KCNMB2: variants seen among roughly 807,000 people sequenced by gnomAD.
KCNMB2 encodes the protein calcium-activated potassium channel subunit beta-2.
Under a neutral mutation model 24.5 loss-of-function variants are expected in KCNMB2, and 9 were observed. The ratio of observed to expected loss-of-function variants is 0.37; its 90% CI spans 0.22 to 0.64. The LOEUF is 0.64. Ranked by LOEUF, KCNMB2 falls within the 30% of genes least tolerant of loss-of-function variation. The probability of loss-of-function intolerance (pLI) is 0.63; values close to 1 mark genes in which losing one functional copy is unlikely to be tolerated. For synonymous variants in KCNMB2, 109 were observed against 104.4 expected, an observed-to-expected ratio of 1.04 and a Z score of -0.27; for missense variants, 226 against 284.3, an observed-to-expected ratio of 0.79 and a Z score of 1.47.
At chr3:178,750,481 A>C (rs7374783) in intron 1 of KCNMB2, among the ~76,000 whole-genome samples, 108,904 of 152,120 alleles carry the variant, frequency 0.72, 40,184 homozygotes, top group African/African-American at 0.92. Flanking sequence ...GGCCAGTCAG[A>C]CATTCTACTC....
At chr3:178,676,889 G>A (rs992467599) in intron 1 of KCNMB2, among the ~76,000 whole-genome samples, 1 of 152,060 alleles carries the variant, frequency 6.6e-6, no homozygotes, top group African/African-American at 2.4e-5. Context: ...ACCTCACTGA[G>A]CCCTCACTAG....
intron 1 of KCNMB2, among the ~76,000 whole-genome samples, chr3:178,804,810 G>C (rs1713901953): frequency 6.6e-6 from 1 of 152,212 alleles, no homozygotes; most frequent in African/African-American, 2.4e-5. Flanking sequence ...CCCTGTGAAG[G>C]AATGACTAAA....
At chr3:178,615,281 C>T (rs1326296525) in intron 1 of KCNMB2, among the ~76,000 whole-genome samples, 2 of 152,140 alleles carry the variant, frequency 1.3e-5, no homozygotes, top group African/African-American at 4.8e-5. Context: ...CTGGCTACTG[C>T]CTATGTTCAC....
At chr3:178,581,065 C>T (rs904096409) in intron 1 of KCNMB2, among the ~76,000 whole-genome samples, 5 of 151,992 alleles carry the variant, frequency 3.3e-5, no homozygotes, top group Non-Finnish European at 7.4e-5. Flanking sequence ...GCCAAGACAA[C>T]CCTTAGCAAA....
intron 1 of KCNMB2, among the ~76,000 whole-genome samples, chr3:178,679,693 C>T (rs1432244733): frequency 1.3e-5 from 2 of 152,082 alleles, no homozygotes; most frequent in Non-Finnish European, 2.9e-5. Context: ...AAGTTACACC[C>T]AAGTTCATGT....
intron 1 of KCNMB2, among the ~76,000 whole-genome samples, chr3:178,691,255 T>G (rs962356572): frequency 1.3e-5 from 2 of 150,890 alleles, no homozygotes; most frequent in African/African-American, 4.9e-5. Context: ...TTTTAATTTT[T>G]TTTAACTTTT....
chr3:178,596,071 C>G (rs769345916), intron 1 of KCNMB2, among the ~76,000 whole-genome samples: 2 of 151,990 alleles, frequency 1.3e-5, no homozygotes, highest in Non-Finnish European at 2.9e-5. Flanking sequence ...ACCCCATCAC[C>G]CACTTAGCTC....
At chr3:178,821,722 C>T (rs1714632093) in intron 2 of KCNMB2, among the ~76,000 whole-genome samples, 1 of 152,210 alleles carries the variant, frequency 6.6e-6, no homozygotes, top group Non-Finnish European at 1.5e-5. Context: ...TTTCCACTCT[C>T]CATGATTTCT....
intron 1 of KCNMB2, among the ~76,000 whole-genome samples, chr3:178,684,075 A>C (rs1721371479): frequency 6.6e-6 from 1 of 152,144 alleles, no homozygotes; most frequent in Non-Finnish European, 1.5e-5. Flanking sequence ...CATTATTCAC[A>C]GTAGCCAGGA....
chr3:178,686,315 A>G (rs1721470586), intron 1 of KCNMB2, among the ~76,000 whole-genome samples: 1 of 152,222 alleles, frequency 6.6e-6, no homozygotes, highest in African/African-American at 2.4e-5. Flanking sequence ...TGCATTTTCC[A>G]TACTAGGTTT....
At chr3:178,649,630 C>A (rs1243314268) in intron 1 of KCNMB2, among the ~76,000 whole-genome samples, 1 of 152,002 alleles carries the variant, frequency 6.6e-6, no homozygotes, top group Non-Finnish European at 1.5e-5. Context: ...GTATCCATTT[C>A]TTCTAGATTT....
chr3:178,754,004 T>C (rs566135638), intron 1 of KCNMB2, among the ~76,000 whole-genome samples: 15 of 151,796 alleles, frequency 9.9e-5, no homozygotes, highest in African/African-American at 3.4e-4. Flanking sequence ...AAATTCAATG[T>C]TTTTAGATTT....
intron 1 of KCNMB2, among the ~76,000 whole-genome samples, chr3:178,677,877 G>A (rs776273277): frequency 8.6e-5 from 13 of 152,040 alleles, no homozygotes; most frequent in Non-Finnish European, 1.0e-4. Flanking sequence ...TCAGGAAGGG[G>A]GTCCTAATGC....
intron 1 of KCNMB2, among the ~76,000 whole-genome samples, chr3:178,542,890 C>G (rs1282372485): frequency 3.3e-5 from 5 of 152,168 alleles, no homozygotes; most frequent in African/African-American, 1.2e-4. Flanking sequence ...CTGAGTCTCC[C>G]TTTCCTCAGA....
chr3:178,590,708 A>G (rs1717637892), intron 1 of KCNMB2, among the ~76,000 whole-genome samples: 1 of 152,212 alleles, frequency 6.6e-6, no homozygotes, highest in South Asian at 2.1e-4. Flanking sequence ...ACTTGCCTTG[A>G]GCCATACAGC....
At chr3:178,729,483 G>C (rs1295769428) in intron 1 of KCNMB2, 1 of 152,074 alleles carries the variant, frequency 6.6e-6, no homozygotes, top group African/African-American at 2.4e-5. Context: ...CCATGATCTT[G>C]CAATCCTTTA....
chr3:178,777,541 G>A (rs1305887655), intron 1 of KCNMB2, among the ~76,000 whole-genome samples: 1 of 152,160 alleles, frequency 6.6e-6, no homozygotes, highest in Admixed American at 6.5e-5. Flanking sequence ...TGGAACTCTT[G>A]GGAAACAAAT....
At chr3:178,661,530 G>A (rs114775636) in intron 1 of KCNMB2, among the ~76,000 whole-genome samples, 4,133 of 152,160 alleles carry the variant, frequency 0.027, 90 homozygotes, top group Non-Finnish European at 0.039. Context: ...CCACTGTAGT[G>A]CACAGATATA....
At position 178,686,468 on chromosome 3, in the gene KCNMB2, CT is replaced by C. The variant is rs146993496; in HGVS notation, c.-67-120871del. On this transcript the variant is annotated intron_variant, in intron 1 of 4. Transcript: ENST00000452583. Reference sequence around the variant, plus strand: ...CTGTGTCTTTAGAGGTAAAGACGTTCTTTTCTTCTGAGTATGGGAAGGGCAC... The same window carrying C: ...CTGTGTCTTTAGAGGTAAAGACGTTCTTTCTTCTGAGTATGGGAAGGGCAC... 1.7e-3 allele frequency among the ~76,000 whole-genome samples: 253 copies of C among 152,212 alleles called. 1 individual carries two copies. Among genetic ancestry groups the C allele is most frequent in the African/African-American group, 5.8e-3 (242 of 41,542 alleles).
Sources: allele counts gnomAD v4.1 joint callset (sites outside exome capture counted in the v4.1 genomes callset), GRCh38; gene constraint gnomAD v4.1.1; transcripts MANE v1.5; gene names NCBI Gene and HGNC (gene_info 2026-07-23, HGNC 2026-07-21).